HNF4G: variants seen among roughly 807,000 people sequenced by gnomAD.
The protein encoded by HNF4G is hepatocyte nuclear factor 4 gamma.
Under a neutral mutation model 50.9 loss-of-function variants are expected in HNF4G, and 21 were observed. That is an observed-to-expected ratio of 0.41 (90% CI 0.29 to 0.59). The LOEUF (loss-of-function observed/expected upper bound fraction) is 0.59. HNF4G is among the 20% of genes least tolerant of loss of function. The pLI is 0.26. For synonymous variants in HNF4G, 198 were observed against 185.6 expected, an observed-to-expected ratio of 1.07 and a Z score of -0.54; for missense variants, 527 against 559.4, an observed-to-expected ratio of 0.94 and a Z score of 0.58.
In HNF4G at chr8:75,519,872, T is replaced by G. The variant is rs144568020; in HGVS notation, c.-23-23939T>G. Among the ~76,000 whole-genome samples the G allele has an allele frequency of 4.6e-5, 7 of 152,154 alleles. No homozygotes were observed. The East Asian group carries it at 9.7e-4, about 21-fold the overall frequency. ...TGTGTGTGTGTGTGTTTATTCAATC[T>G]CATAGTCTCTGTATTTCAGCTGGTG... is the stretch of plus-strand genomic sequence containing the variant. On this transcript the variant is annotated intron_variant, in intron 2 of 10. Coordinates refer to the HNF4G transcript ENST00000354370.
At chr8:75,438,493 A>G (rs901059965) in intron 1 of HNF4G, among the ~76,000 whole-genome samples, 1 of 152,120 alleles carries the variant, frequency 6.6e-6, no homozygotes, top group African/African-American at 2.4e-5. Context: ...TAATGAGTTC[A>G]CAGGAAACTT....
In HNF4G at chr8:75,551,483, CG is replaced by C. The variant is rs1563551775; in HGVS notation, c.480del (p.Ser161LeufsTer15). On this transcript the variant is annotated frameshift_variant, in exon 4 of 10. Coordinates refer to ENST00000396423, the MANE Select transcript of HNF4G (RefSeq NM_004133.5). LOFTEE classifies it high-confidence loss of function. Reference sequence around the variant, plus strand: ...TAACACACTGGCACAAGCTGAAGTTCGGTCTCGCCAGGTACCTGTGGCACGG... The same window carrying C: ...TAACACACTGGCACAAGCTGAAGTTCGTCTCGCCAGGTACCTGTGGCACGG... ...SINTLAQAEVRSRQISVSSPG... is the reference protein window; with the variant it reads ...SINTLAQAEVXSRQISVSSPG... 6.2e-7 allele frequency: 1 copy of C among 1,604,156 alleles called. No individual in the cohort carries two copies. The highest frequency in any genetic ancestry group is 8.5e-7 in the Non-Finnish European group (1 of 1,171,242).
At chr8:75,453,971 G>A (rs1436749568) in intron 1 of HNF4G, among the ~76,000 whole-genome samples, 12 of 151,874 alleles carry the variant, frequency 7.9e-5, no homozygotes, top group Admixed American at 7.9e-4. Context: ...ATTAGAATAG[G>A]TGACACAGTG....
intron 1 of HNF4G, among the ~76,000 whole-genome samples, chr8:75,465,647 G>C (rs1811951574): frequency 6.6e-6 from 1 of 151,338 alleles, no homozygotes; most frequent in African/African-American, 2.4e-5. Context: ...GACAACAAAA[G>C]TATGAAATAA....
rs199710439 is a variant in HNF4G, at chr8:75,553,086, G to T, written c.534G>T (p.Lys178Asn). ...SPGSSTDINV[K>N]KIASIGDVCE... is the part of the protein sequence containing the mutation. ...GGTCAAGCACTGACATAAACGTTAA[G>T]AAAATTGCAAGTATTGGTGATGTCT... The change falls in exon 5 of 10, where the codon AAG (lysine) becomes AAT (asparagine). Residue 178 changes from lysine (K) to asparagine (N), a missense_variant. Coordinates refer to ENST00000396423, the MANE Select transcript of HNF4G (RefSeq NM_004133.5). 1 of 1,612,606 alleles carries T rather than the reference G, an allele frequency of 6.2e-7. No individual in the cohort carries two copies. The highest frequency in any genetic ancestry group is 2.2e-5 in the East Asian group (1 of 44,770).
chr8:75,510,208 G>T (rs1805713477), intron 2 of HNF4G, among the ~76,000 whole-genome samples: 1 of 152,078 alleles, frequency 6.6e-6, no homozygotes, highest in Non-Finnish European at 1.5e-5. Flanking sequence ...ATTAGAAATA[G>T]AAAATGTTTA....
intron 2 of HNF4G, among the ~76,000 whole-genome samples, chr8:75,501,560 T>G (rs564810473): frequency 6.6e-6 from 1 of 152,090 alleles, no homozygotes; most frequent in Non-Finnish European, 1.5e-5. Flanking sequence ...ACATGAAAAA[T>G]TATTGTTGAA....
intron 1 of HNF4G, among the ~76,000 whole-genome samples, chr8:75,408,529 G>A (rs1363782122): frequency 6.6e-6 from 1 of 152,142 alleles, no homozygotes; most frequent in Non-Finnish European, 1.5e-5. Flanking sequence ...GGCATCTGCC[G>A]GTGATGCCGT....
Position 75,558,514 on chromosome 8 carries a change from A to G in HNF4G, c.734-4A>G, listed in dbSNP as rs754814819. ...TTTGTTTTGTTTTGTTTTCTCTCTC[A>G]TAGGAAACAACTATGTTATTCACCG... is the stretch of plus-strand genomic sequence containing the variant. On this transcript the variant is annotated splice_polypyrimidine_tract_variant and splice_region_variant and intron_variant, in intron 6 of 9. Coordinates refer to ENST00000396423, the MANE Select transcript of HNF4G (RefSeq NM_004133.5). 1.7e-5 allele frequency: 28 copies of G among 1,605,510 alleles called. No homozygotes were observed. In the Admixed American group the frequency reaches 3.3e-4, roughly 19 times the overall value.
chr8:75,546,548 A>G (rs1156553994), intron 2 of HNF4G, among the ~76,000 whole-genome samples: 1 of 152,100 alleles, frequency 6.6e-6, no homozygotes, highest in African/African-American at 2.4e-5. Flanking sequence ...TGAGGCAACT[A>G]TGAATCTATT....
intron 6 of HNF4G, among the ~76,000 whole-genome samples, chr8:75,557,536 A>G (rs1028478101): frequency 8.5e-5 from 13 of 152,170 alleles, no homozygotes; most frequent in African/African-American, 3.1e-4. Context: ...CATGAGAATC[A>G]CTTGAACCTG....
rs1251066655 is a variant in HNF4G, at chr8:75,551,453, T to A, written c.448T>A (p.Ser150Thr). 1 of 1,612,988 alleles carries A rather than the reference T, an allele frequency of 6.2e-7. No homozygotes were observed. The highest frequency in any genetic ancestry group is 1.3e-5 in the African/African-American group (1 of 74,872). Residue 150 changes from serine to threonine, a missense_variant, in exon 4 of 10, where the codon TCC becomes ACC. By Grantham distance (58) the Ser-to-Thr change is moderately conservative (BLOSUM62 1). Coordinates refer to ENST00000396423, the MANE Select transcript of HNF4G (RefSeq NM_004133.5). ...CACATTTGATGGCAGCAACATCCCC[T>A]CCATTAACACACTGGCACAAGCTGA... ...RSTFDGSNIP[S>T]INTLAQAEVR... is the part of the protein sequence containing the mutation.
At chr8:75,511,442 A>G (rs1805748524) in intron 2 of HNF4G, among the ~76,000 whole-genome samples, 1 of 152,166 alleles carries the variant, frequency 6.6e-6, no homozygotes, top group South Asian at 2.1e-4. Flanking sequence ...CTCTTCTATT[A>G]TATATCAATT....
At chr8:75,532,878 ACT>A (rs1206537169) in intron 2 of HNF4G, among the ~76,000 whole-genome samples, 26 of 152,000 alleles carry the variant, frequency 1.7e-4, no homozygotes, top group African/African-American at 5.5e-4. Context: ...TAGGATAATA[ACT>A]CTATTTCTCA....
intron 2 of HNF4G, among the ~76,000 whole-genome samples, chr8:75,494,799 A>G (rs1356002481): frequency 6.6e-6 from 1 of 152,052 alleles, no homozygotes; most frequent in Non-Finnish European, 1.5e-5. Flanking sequence ...TACATTTTAT[A>G]CAATTATAAT....
At chr8:75,408,317 G>C (rs571015830) in intron 1 of HNF4G, among the ~76,000 whole-genome samples, 9 of 152,246 alleles carry the variant, frequency 5.9e-5, no homozygotes, top group African/African-American at 2.2e-4. Flanking sequence ...TTTGGTGGCT[G>C]TAGCGGGTCA....
intron 1 of HNF4G, among the ~76,000 whole-genome samples, chr8:75,458,374 T>A (rs1260843426): frequency 1.4e-5 from 2 of 147,870 alleles, no homozygotes; most frequent in Non-Finnish European, 3.0e-5. Flanking sequence ...TCTAACTTTT[T>A]TTTTTTTTTT....
chr8:75,497,336 T>C (rs940271570), intron 2 of HNF4G, among the ~76,000 whole-genome samples: 4 of 152,004 alleles, frequency 2.6e-5, no homozygotes, highest in African/African-American at 7.2e-5. Flanking sequence ...GCAGAGAAAT[T>C]AAAAGAGGTA....
intron 6 of HNF4G, among the ~76,000 whole-genome samples, chr8:75,557,656 T>G (rs142150792): frequency 9.2e-5 from 14 of 152,110 alleles, no homozygotes; most frequent in African/African-American, 3.4e-4. Flanking sequence ...ATTGTACACC[T>G]TAAATATATA....
Sources: gnomAD v4.1 joint callset for allele counts (sites outside exome capture counted in the v4.1 genomes callset) on GRCh38, gnomAD v4.1.1 for gene constraint, MANE v1.5 for transcripts, NCBI Gene and HGNC (gene_info 2026-07-23, HGNC 2026-07-21) for gene names.